The following CSMD3 variants were observed in gnomAD, a reference collection of about 807,000 sequenced individuals.
CSMD3 encodes the protein CUB and Sushi multiple domains 3.
Under a neutral mutation model 435.2 loss-of-function variants are expected in CSMD3, and 177 were observed. The ratio of observed to expected loss-of-function variants is 0.41; its 90% CI spans 0.36 to 0.46. The LOEUF (loss-of-function observed/expected upper bound fraction) is 0.46, where lower values mean the gene tolerates loss of function less well. Among genes scored for constraint, CSMD3 ranks in the 20% least tolerant of loss-of-function variants. The probability of loss-of-function intolerance (pLI) is 0.34; values close to 1 mark genes in which losing one functional copy is unlikely to be tolerated. For synonymous variants in CSMD3, 1,656 were observed against 1,520.5 expected (o/e 1.09, Z -2.07); for missense variants, 4,265 against 4,504.6 (o/e 0.95, Z 1.52).
At chr8:113,186,264 AC>A (rs1343235617) in intron 3 of CSMD3, among the ~76,000 whole-genome samples, 1 of 151,902 alleles carries the variant, frequency 6.6e-6, no homozygotes, top group Admixed American at 6.6e-5. Flanking sequence ...CTCCTCCCTG[AC>A]CATATGGCCA....
intron 13 of CSMD3, among the ~76,000 whole-genome samples, chr8:112,756,728 A>G (rs949357630): frequency 1.3e-5 from 2 of 151,878 alleles, no homozygotes; most frequent in Non-Finnish European, 2.9e-5. Context: ...GAGTTCCTTG[A>G]AATCGTTTTT....
At chr8:113,128,678 G>T (rs2091206137) in intron 4 of CSMD3, among the ~76,000 whole-genome samples, 1 of 151,990 alleles carries the variant, frequency 6.6e-6, no homozygotes. Context: ...TCAGACAGAG[G>T]CTTCCTTATT....
chr8:112,819,051 G>A (rs772310819), intron 12 of CSMD3, among the ~76,000 whole-genome samples: 13 of 152,158 alleles, frequency 8.5e-5, no homozygotes, highest in South Asian at 2.1e-4. Flanking sequence ...TGTGGTACCC[G>A]GAATTCCCTG....
At chr8:112,974,459 CAA>C (rs2084772329) in intron 7 of CSMD3, among the ~76,000 whole-genome samples, 1 of 151,642 alleles carries the variant, frequency 6.6e-6, no homozygotes, top group African/African-American at 2.4e-5. Flanking sequence ...TGCAATTTTC[CAA>C]AGAGAATGAA....
chr8:113,187,006 G>A (rs2092513641), intron 3 of CSMD3, among the ~76,000 whole-genome samples: 2 of 151,898 alleles, frequency 1.3e-5, no homozygotes, highest in South Asian at 4.1e-4. Flanking sequence ...TAATATTGGT[G>A]GAAGGGTGGA....
chr8:112,440,717 T>C (rs889606378), intron 32 of CSMD3, among the ~76,000 whole-genome samples: 4 of 152,186 alleles, frequency 2.6e-5, no homozygotes, highest in African/African-American at 9.6e-5. Context: ...TCCAACGCCA[T>C]GTGGAAGCTG....
intron 6 of CSMD3, among the ~76,000 whole-genome samples, chr8:112,992,524 A>T (rs2131024397): frequency 6.6e-6 from 1 of 151,884 alleles, no homozygotes. Flanking sequence ...GAGGAAAAAC[A>T]AGTCCCTCAT....
intron 13 of CSMD3, among the ~76,000 whole-genome samples, chr8:112,697,737 A>C (rs2076291706): frequency 6.6e-6 from 1 of 152,082 alleles, no homozygotes; most frequent in Non-Finnish European, 1.5e-5. Context: ...ATAATAAAAA[A>C]AAATAAGGTA....
At chr8:112,423,600 T>C (rs899250009) in intron 32 of CSMD3, among the ~76,000 whole-genome samples, 2 of 152,142 alleles carry the variant, frequency 1.3e-5, no homozygotes, top group African/African-American at 2.4e-5. Context: ...TATGCCACCA[T>C]GCCTGGCTAA....
At chr8:112,599,173 G>GA (rs756080621) in intron 22 of CSMD3, among the ~76,000 whole-genome samples, 71,318 of 133,756 alleles carry the variant, frequency 0.53, 19,080 homozygotes, top group African/African-American at 0.6. Flanking sequence ...AAATTTAAAA[G>GA]AAAAAAAAAA....
intron 35 of CSMD3, among the ~76,000 whole-genome samples, chr8:112,401,432 G>A (rs1279729975): frequency 6.6e-6 from 1 of 151,542 alleles, no homozygotes; most frequent in East Asian, 1.9e-4. Flanking sequence ...TGTCTTCATG[G>A]ATATAAGAAT....
chr8:112,999,720 T>C (rs985163773), intron 6 of CSMD3, among the ~76,000 whole-genome samples: 5 of 151,458 alleles, frequency 3.3e-5, no homozygotes, highest in African/African-American at 1.2e-4. Flanking sequence ...TGGAGTGAAG[T>C]AGTCTATTGC....
Position 112,685,501 on chromosome 8 carries a change from A to G in CSMD3, c.2387T>C (p.Val796Ala). ...PILGTFTGAE[V>A]PSHLTSNSHI... ...ACTATTACTAGTAAGATGGGAAGGC[A>G]CCTCAGCCCCAGTAAAGGTTCCAAG... is the stretch of plus-strand genomic sequence containing the variant. The change falls in exon 15 of 71, where the codon GTG (valine) becomes GCG (alanine). Residue 796 changes from valine (V) to alanine (A), a missense_variant. By Grantham distance (64) the Val-to-Ala change is moderately conservative. Coordinates refer to ENST00000297405, the MANE Select transcript of CSMD3 (RefSeq NM_198123.2). 6.2e-7 allele frequency: 1 copy of G among 1,614,042 alleles called. No individual in the cohort carries two copies. The highest frequency in any genetic ancestry group is 8.5e-7 in the Non-Finnish European group (1 of 1,179,960).
chr8:112,872,427 GGAAAA>G (rs937741260), intron 10 of CSMD3, among the ~76,000 whole-genome samples: 1 of 151,750 alleles, frequency 6.6e-6, no homozygotes, highest in African/African-American at 2.4e-5. Context: ...GCTGTCGAAA[GGAAAA>G]GAATTAAAAT....
chr8:113,220,846 C>T (rs2092958167), intron 3 of CSMD3, among the ~76,000 whole-genome samples: 1 of 151,404 alleles, frequency 6.6e-6, no homozygotes, highest in South Asian at 2.1e-4. Flanking sequence ...TCTATGTACA[C>T]TATATGCCTT....
intron 1 of CSMD3, chr8:113,376,707 G>A: frequency 1.2e-6 from 2 of 1,613,612 alleles, no homozygotes; most frequent in Non-Finnish European, 1.7e-6. Flanking sequence ...GAAAGGTTCG[G>A]CGCAAGGAGC....
chr8:112,853,550 G>A (rs2080557606), intron 11 of CSMD3, among the ~76,000 whole-genome samples: 1 of 152,090 alleles, frequency 6.6e-6, no homozygotes, highest in Non-Finnish European at 1.5e-5. Flanking sequence ...TATTCTAACT[G>A]TGGCTTTCCC....
At position 113,273,739 on chromosome 8, in the gene CSMD3, CTCATTTG is replaced by C. The variant is rs1410129327; in HGVS notation, c.514+4846_514+4852del. Among the ~76,000 whole-genome samples the C allele has an allele frequency of 3.9e-5, 6 of 152,198 alleles. No homozygotes were observed. In the East Asian group the frequency reaches 1.2e-3, roughly 29 times the overall value. On this transcript the variant is annotated intron_variant, in intron 3 of 70. Transcript: ENST00000297405. ...TATAGCCTACCCTGATTTAATGGAT[CTCATTTG>C]TAGTGTTTTCTGATATCTGACAGAA...
intron 10 of CSMD3, among the ~76,000 whole-genome samples, chr8:112,885,554 T>C (rs1214529761): frequency 6.6e-6 from 1 of 151,704 alleles, no homozygotes; most frequent in Non-Finnish European, 1.5e-5. Flanking sequence ...CCTGACTTCA[T>C]GTTCTTTTGT....
Sources: allele counts gnomAD v4.1 joint callset (sites outside exome capture counted in the v4.1 genomes callset), GRCh38; gene constraint gnomAD v4.1.1; transcripts MANE v1.5; gene names NCBI Gene and HGNC (gene_info 2026-07-23, HGNC 2026-07-21).